Variants in CSMD1 observed in about 807,000 individuals in gnomAD.
The protein encoded by CSMD1 is CUB and Sushi multiple domains 1, also known as CUB and sushi domain-containing protein 1.
In CSMD1, 213 loss-of-function variants were observed where a neutral mutation model predicts 417.5. The observed-to-expected ratio is 0.51, with a 90% CI of 0.46 to 0.57. CSMD1 has a LOEUF of 0.57. Ranked by LOEUF, CSMD1 falls within the 20% of genes least tolerant of loss-of-function variation. CSMD1 has a pLI of 0.00. For synonymous variants in CSMD1, 2,862 were observed against 1,736.8 expected (o/e 1.65, Z -16.11); for missense variants, 6,923 against 4,529.7 (o/e 1.53, Z -15.17).
At chr8:3,187,837 T>A (rs753075896) in intron 36 of CSMD1, 32 bp downstream of exon 36, 1 of 1,532,848 alleles carries the variant, frequency 6.5e-7, no homozygotes, top group African/African-American at 1.4e-5. Flanking sequence ...AGATTTTGAG[T>A]CACACAGGTG....
chr8:3,991,281 G>C (rs77134483), intron 5 of CSMD1, among the ~76,000 whole-genome samples: 2 of 152,180 alleles, frequency 1.3e-5, no homozygotes, highest in Non-Finnish European at 2.9e-5. Context: ...AAAGAAGTTC[G>C]CATTATTTGC....
chr8:4,320,734 C>G (rs914644753), intron 3 of CSMD1, among the ~76,000 whole-genome samples: 1 of 152,170 alleles, frequency 6.6e-6, no homozygotes, highest in Admixed American at 6.5e-5. Context: ...GTATGTGCCA[C>G]ATTTTATTTA....
intron 2 of CSMD1, among the ~76,000 whole-genome samples, chr8:4,601,119 C>T (rs963973450): frequency 6.6e-6 from 1 of 152,042 alleles, no homozygotes; most frequent in Non-Finnish European, 1.5e-5. Context: ...ACCACGCCTG[C>T]TAATTTTGTA....
intron 3 of CSMD1, among the ~76,000 whole-genome samples, chr8:4,139,357 G>A (rs957232543): frequency 6.6e-6 from 1 of 152,180 alleles, no homozygotes; most frequent in Non-Finnish European, 1.5e-5. Flanking sequence ...TTTTGACCAG[G>A]TAGAGGGTAT....
intron 3 of CSMD1, among the ~76,000 whole-genome samples, chr8:4,237,388 A>G (rs1802130191): frequency 6.6e-6 from 1 of 152,088 alleles, no homozygotes; most frequent in Non-Finnish European, 1.5e-5. Flanking sequence ...TTTATATAAA[A>G]TGAGGTATTG....
chr8:4,139,716 C>A lies in CSMD1; in HGVS notation c.416-107617G>T, dbSNP rs569639536. On this transcript the variant is annotated intron_variant, in intron 3 of 69. Coordinates refer to ENST00000635120, the MANE Select transcript of CSMD1 (RefSeq NM_033225.6). The stretch of plus-strand genomic sequence containing the variant: ...GAATGATGATTTTGGTGGGAAGCCC[C>A]GAGTGATGCTTGAGTAGATGAGTAC... Among the ~76,000 whole-genome samples, 119 of 151,082 alleles carry A rather than the reference C, an allele frequency of 7.9e-4. 3 individuals are homozygous for A. Among genetic ancestry groups the A allele is most frequent in the African/African-American group, 2.8e-3 (112 of 40,456 alleles).
intron 1 of CSMD1, among the ~76,000 whole-genome samples, chr8:4,828,063 T>G (rs991918876): frequency 3.9e-5 from 6 of 152,294 alleles, no homozygotes; most frequent in Non-Finnish European, 8.8e-5. Context: ...GGATTTTTTT[T>G]TACATGAGTC....
chr8:4,250,035 T>A (rs560390363), intron 3 of CSMD1, among the ~76,000 whole-genome samples: 1 of 152,100 alleles, frequency 6.6e-6, no homozygotes, highest in Non-Finnish European at 1.5e-5. Context: ...CATGAATAAA[T>A]TGATGCCCCA....
chr8:3,388,896 T>TACACACACACAC (rs6150441), intron 17 of CSMD1, among the ~76,000 whole-genome samples: 32 of 147,752 alleles, frequency 2.2e-4, no homozygotes, highest in African/African-American at 7.7e-4. Flanking sequence ...CACACATGCA[T>TACACACACACAC]ACACACACAC....
intron 23 of CSMD1, among the ~76,000 whole-genome samples, chr8:3,316,721 C>T (rs1161824948): frequency 6.6e-6 from 1 of 151,998 alleles, no homozygotes; most frequent in African/African-American, 2.4e-5. Context: ...GAAGGGAAGA[C>T]AGGAAAGGTC....
At chr8:4,571,006 T>C (rs1196071637) in intron 2 of CSMD1, among the ~76,000 whole-genome samples, 1 of 152,172 alleles carries the variant, frequency 6.6e-6, no homozygotes, top group African/African-American at 2.4e-5. Flanking sequence ...ATCTTTTTTT[T>C]ATCATGTCTA....
chr8:4,448,310 C>T (rs1234790992), intron 2 of CSMD1, among the ~76,000 whole-genome samples: 1 of 152,090 alleles, frequency 6.6e-6, no homozygotes, highest in Non-Finnish European at 1.5e-5. Context: ...TTTTGTTTGC[C>T]GATCTAGGAG....
chr8:4,919,250 C>A (rs78747947), intron 1 of CSMD1, among the ~76,000 whole-genome samples: 4 of 152,168 alleles, frequency 2.6e-5, no homozygotes, highest in African/African-American at 9.7e-5. Flanking sequence ...GAAATAATCT[C>A]TTGCCCAAAG....
At chr8:4,213,707 C>G (rs756006109) in intron 3 of CSMD1, among the ~76,000 whole-genome samples, 1 of 152,152 alleles carries the variant, frequency 6.6e-6, no homozygotes. Flanking sequence ...AAGCCGTGGG[C>G]TCCTGTGTGA....
chr8:4,510,036 G>C (rs1376081366), intron 2 of CSMD1, among the ~76,000 whole-genome samples: 1 of 152,056 alleles, frequency 6.6e-6, no homozygotes, highest in East Asian at 1.9e-4. Flanking sequence ...CCCGGTGGGA[G>C]GTAACTCAAT....
chr8:4,066,437 G>C (rs147310905), intron 3 of CSMD1, among the ~76,000 whole-genome samples: 62 of 152,306 alleles, frequency 4.1e-4, no homozygotes, highest in Middle Eastern at 3.4e-3. Flanking sequence ...CCTTGCACAT[G>C]CTAGCTACCC....
chr8:3,761,055 G>T (rs946995286), intron 5 of CSMD1, among the ~76,000 whole-genome samples: 2 of 151,972 alleles, frequency 1.3e-5, no homozygotes, highest in African/African-American at 4.8e-5. Context: ...AGAACAACCT[G>T]ATCAAACAGA....
At chr8:4,490,526 C>T (rs1163175630) in intron 2 of CSMD1, among the ~76,000 whole-genome samples, 2 of 152,156 alleles carry the variant, frequency 1.3e-5, no homozygotes, top group South Asian at 2.1e-4. Context: ...ACACCAGCCA[C>T]GTTCCATGAA....
chr8:3,997,847 G>GA lies in CSMD1; in HGVS notation c.818+55dup, dbSNP rs11303985. 2.2e-5 allele frequency: 32 copies of GA among 1,481,294 alleles called. No individual in the cohort carries two copies. The African/African-American group carries it at 4.2e-4, about 19-fold the overall frequency. The allele number at this position is 1,481,294 out of a possible 1,614,324, so 91.8% of individuals were successfully genotyped here. ...AAGCAATTCTTGAAGCTCGTTGGGG[G>GA]AAAAAACGGGGAAAACACACCTGTA... On this transcript the variant is annotated intron_variant, in intron 5 of 69. Coordinates refer to ENST00000635120, the MANE Select transcript of CSMD1 (RefSeq NM_033225.6).
Sources: allele counts gnomAD v4.1 joint callset (sites outside exome capture counted in the v4.1 genomes callset), GRCh38; gene constraint gnomAD v4.1.1; transcripts MANE v1.5; gene names NCBI Gene and HGNC (gene_info 2026-07-23, HGNC 2026-07-21).